DPP6: variants seen among roughly 807,000 people sequenced by gnomAD.
The protein encoded by DPP6 is dipeptidyl peptidase like 6, also known as A-type potassium channel modulatory protein DPP6.
In DPP6, 69 loss-of-function variants were observed where a neutral mutation model predicts 122.6. The ratio of observed to expected loss-of-function variants is 0.56; its 90% CI spans 0.46 to 0.69. DPP6 has a LOEUF of 0.69. DPP6 is among the 30% of genes least tolerant of loss of function. The pLI, the probability that DPP6 is intolerant of heterozygous loss-of-function variation, is 0.00. For missense variants in DPP6, 928 were observed against 1,116.9 expected, an observed-to-expected ratio of 0.83 and a Z score of 2.41; for synonymous variants, 418 against 433.1, an observed-to-expected ratio of 0.97 and a Z score of 0.43.
chr7:154,204,783 T>TTGTGTG (rs71182884), intron 1 of DPP6, among the ~76,000 whole-genome samples: 120,527 of 150,918 alleles, frequency 0.8, 48,243 homozygotes, highest in Non-Finnish European at 0.83. Flanking sequence ...CTTGATGACC[T>TTGTGTG]TGTGTGTGTG....
intron 1 of DPP6, among the ~76,000 whole-genome samples, chr7:154,169,736 A>G (rs1397533048): frequency 6.6e-6 from 1 of 152,096 alleles, no homozygotes; most frequent in Non-Finnish European, 1.5e-5. Flanking sequence ...AGCCAAAATT[A>G]TTATTATTAT....
the DPP6 span, among the ~76,000 whole-genome samples, chr7:153,802,417 A>G: frequency 2.0e-5 from 3 of 152,296 alleles, no homozygotes; most frequent in Non-Finnish European, 2.9e-5. Context: ...TGTTACTAAG[A>G]CTTTCACACA....
the DPP6 span, among the ~76,000 whole-genome samples, chr7:153,795,927 C>T: frequency 2.0e-5 from 3 of 151,444 alleles, no homozygotes; most frequent in Admixed American, 6.6e-5. Flanking sequence ...TATATTCCAG[C>T]GATCTTGCTG....
intron 1 of DPP6, among the ~76,000 whole-genome samples, chr7:154,037,034 A>T (rs140800109): frequency 0.073 from 11,186 of 152,224 alleles, 479 homozygotes; most frequent in Non-Finnish European, 0.093. Context: ...GTTTTGTTGG[A>T]TCTTTCTTAG....
At chr7:154,585,364 C>T (rs1044656137) in intron 5 of DPP6, among the ~76,000 whole-genome samples, 1 of 152,248 alleles carries the variant, frequency 6.6e-6, no homozygotes, top group Admixed American at 6.5e-5. Flanking sequence ...ACCCAACAGA[C>T]TTTCATTACT....
intron 1 of DPP6, among the ~76,000 whole-genome samples, chr7:154,260,957 G>A (rs1040324982): frequency 1.3e-5 from 2 of 151,928 alleles, no homozygotes; most frequent in African/African-American, 4.8e-5. Flanking sequence ...GTGCAATGGT[G>A]TGATCTCAGC....
chr7:154,634,653 C>T (rs1056661352), intron 5 of DPP6, among the ~76,000 whole-genome samples: 3 of 141,488 alleles, frequency 2.1e-5, no homozygotes, highest in African/African-American at 7.4e-5. Context: ...TCCTCCTCCT[C>T]CTCCTCTTCC....
In DPP6 at chr7:154,289,092, G is replaced by A. The variant is rs199642229; in HGVS notation, c.244-157122G>A. On this transcript the variant is annotated intron_variant, in intron 1 of 25. Transcript: ENST00000377770. ...TTCTGGGCAGACGATAATACTAAAC[G>A]GAAGCTGATGAAAGAAAGAGAAAAA... Among the ~76,000 whole-genome samples the A allele has an allele frequency of 8.5e-5, 13 of 152,228 alleles. No individual in the cohort carries two copies. The East Asian group carries it at 2.3e-3, about 27-fold the overall frequency.
At chr7:154,103,073 G>A (rs1029175946) in intron 1 of DPP6, among the ~76,000 whole-genome samples, 10 of 152,076 alleles carry the variant, frequency 6.6e-5, no homozygotes, top group Non-Finnish European at 1.3e-4. Flanking sequence ...TTTAATTACT[G>A]TCCCCAATGA....
chr7:153,885,784 A>G (rs1038135950), upstream of DPP6, among the ~76,000 whole-genome samples: 2 of 151,996 alleles, frequency 1.3e-5, no homozygotes, highest in Admixed American at 6.6e-5. Context: ...TGGTTTACCT[A>G]TTTCTTCCAC....
At chr7:154,494,087 C>T (rs1265050372) in intron 3 of DPP6, among the ~76,000 whole-genome samples, 1 of 152,176 alleles carries the variant, frequency 6.6e-6, no homozygotes, top group Non-Finnish European at 1.5e-5. Context: ...GATATTGTGG[C>T]TTACACCTGT....
chr7:154,648,803 C>T (rs572002688), intron 6 of DPP6, among the ~76,000 whole-genome samples: 2 of 151,750 alleles, frequency 1.3e-5, no homozygotes, highest in Non-Finnish European at 2.9e-5. Flanking sequence ...CCTATAGTCC[C>T]GGCCACTAGG....
intron 8 of DPP6, among the ~76,000 whole-genome samples, chr7:154,735,988 C>A (rs1196706817): frequency 1.3e-5 from 2 of 152,246 alleles, no homozygotes; most frequent in Admixed American, 1.3e-4. Flanking sequence ...ACGTAGCAAT[C>A]ATGGCATCAT....
chr7:154,403,666 C>T lies in DPP6; in HGVS notation c.244-42548C>T, dbSNP rs1192105366. Among the ~76,000 whole-genome samples the T allele has an allele frequency of 6.6e-6, 1 of 152,202 alleles. No homozygotes were observed. Among genetic ancestry groups the T allele is most frequent in the Non-Finnish European group, 1.5e-5 (1 of 68,032 alleles). ...TGTTTGGGGCACGTGAAGAGTGGGCCAGAGTGCCAGGGAGGCAGCAATCTG... is the reference window on the plus strand; with the variant it reads ...TGTTTGGGGCACGTGAAGAGTGGGCTAGAGTGCCAGGGAGGCAGCAATCTG... On this transcript the variant is annotated intron_variant, in intron 1 of 25. Coordinates refer to ENST00000377770, the MANE Select transcript of DPP6 (RefSeq NM_130797.4). This position sits in a 1 kb window ranked among gnomAD's most constrained non-coding sequence, Gnocchi z 4.1.
At chr7:154,520,918 T>G (rs1283760687) in intron 3 of DPP6, among the ~76,000 whole-genome samples, 1 of 152,208 alleles carries the variant, frequency 6.6e-6, no homozygotes, top group Non-Finnish European at 1.5e-5. Context: ...AAGTAGCATG[T>G]ACCGGACAAT....
intron 1 of DPP6, among the ~76,000 whole-genome samples, chr7:153,888,942 T>C (rs1326303780): frequency 1.3e-5 from 2 of 152,158 alleles, no homozygotes; most frequent in Non-Finnish European, 2.9e-5. Context: ...GATCTCGCTT[T>C]AAGCAAAACA....
At chr7:154,043,069 A>G (rs1799841396) in intron 1 of DPP6, among the ~76,000 whole-genome samples, 2 of 152,130 alleles carry the variant, frequency 1.3e-5, no homozygotes, top group African/African-American at 4.8e-5. Context: ...GGACTTAATA[A>G]AATGTAGATA....
At chr7:153,790,285 C>T in the DPP6 span, among the ~76,000 whole-genome samples, 1 of 151,974 alleles carries the variant, frequency 6.6e-6, no homozygotes, top group Non-Finnish European at 1.5e-5. Flanking sequence ...TTTGTGTTGA[C>T]CTCTAGGGAT....
At chr7:154,484,625 C>G (rs889203602) in intron 3 of DPP6, among the ~76,000 whole-genome samples, 1 of 152,252 alleles carries the variant, frequency 6.6e-6, no homozygotes, top group African/African-American at 2.4e-5. Context: ...CTCCCCGCCC[C>G]CTGCAGCATG....
Sources: gnomAD v4.1 joint callset for allele counts (sites outside exome capture counted in the v4.1 genomes callset) on GRCh38, gnomAD v4.1.1 for gene constraint, Gnocchi (gnomAD v3.1) non-coding constraint, MANE v1.5 for transcripts, NCBI Gene and HGNC (gene_info 2026-07-23, HGNC 2026-07-21) for gene names.